RBPJ: variants seen among roughly 807,000 people sequenced by gnomAD.
The protein encoded by RBPJ is recombination signal binding protein for immunoglobulin kappa J region, also known as recombining binding protein suppressor of hairless.
In RBPJ, 9 loss-of-function variants were observed where a neutral mutation model predicts 67.8. The ratio of observed to expected loss-of-function variants is 0.13; its 90% CI spans 0.08 to 0.23. The LOEUF is 0.23. RBPJ is among the 10% of genes least tolerant of loss of function. The pLI, the probability that RBPJ is intolerant of heterozygous loss-of-function variation, is 1.00. For missense variants in RBPJ, 305 were observed against 595.6 expected (o/e 0.51, Z 5.08); for synonymous variants, 198 against 203.3 (o/e 0.97, Z 0.22).
At chr4:26,130,194 T>C in the RBPJ span, among the ~76,000 whole-genome samples, 27 of 152,208 alleles carry the variant, frequency 1.8e-4, no homozygotes, top group Non-Finnish European at 2.9e-4. Flanking sequence ...TCAAAGCAAA[T>C]CAAGAGGTGG....
the RBPJ span, among the ~76,000 whole-genome samples, chr4:26,117,358 C>G: frequency 3.2e-3 from 480 of 152,218 alleles, 1 homozygote; most frequent in African/African-American, 0.011. Context: ...CCTCCTGGGA[C>G]CCCAAGTTCT....
chr4:26,241,207 A>T (rs1273904695), intron 1 of RBPJ, among the ~76,000 whole-genome samples: 2 of 150,914 alleles, frequency 1.3e-5, no homozygotes, highest in African/African-American at 2.4e-5. Context: ...CAAAAATAAA[A>T]AAAAAAAAAA....
rs190422954 is a variant in RBPJ, at chr4:26,249,975, G to A, written c.-167+86361G>A. Among the ~76,000 whole-genome samples the A allele has an allele frequency of 6.2e-4, 93 of 150,924 alleles. 1 individual carries two copies. The highest frequency in any genetic ancestry group is 5.1e-3 in the Admixed American group (78 of 15,152). On this transcript the variant is annotated intron_variant, in intron 1 of 4. Coordinates refer to the RBPJ transcript ENST00000512351. The stretch of plus-strand genomic sequence containing the variant: ...TAATTTTTGTATTTTTAGTAGAGAC[G>A]GGGTTTCTCCATGTTGGTCAGCCTG...
intron 7 of RBPJ, among the ~76,000 whole-genome samples, chr4:26,426,702 C>T (rs1735708077): frequency 6.6e-6 from 1 of 152,076 alleles, no homozygotes; most frequent in African/African-American, 2.4e-5. Flanking sequence ...TTTGAAGTCG[C>T]AGTATTTGAA....
intron 1 of RBPJ, among the ~76,000 whole-genome samples, chr4:26,222,216 G>C (rs566603362): frequency 6.6e-6 from 1 of 152,166 alleles, no homozygotes. Flanking sequence ...ATTTCAGGCC[G>C]GGCACGGTGG....
chr4:26,122,976 A>T, the RBPJ span, among the ~76,000 whole-genome samples: 24 of 152,338 alleles, frequency 1.6e-4, no homozygotes, highest in African/African-American at 5.8e-4. Flanking sequence ...TCAAAATGGC[A>T]GCAACATAAA....
Position 26,167,343 on chromosome 4 carries a change from C to A in RBPJ, c.-167+3729C>A, listed in dbSNP as rs192907295. Among the ~76,000 whole-genome samples, 3 of 152,154 alleles carry A rather than the reference C, an allele frequency of 2.0e-5. No homozygotes were observed. The East Asian group carries it at 5.8e-4, about 29-fold the overall frequency. Reference sequence around the variant, plus strand: ...TTTCATGATATTGATTCTTCCTACCCATGAGCATGGAATGTTCTTCCATTT... The same window carrying A: ...TTTCATGATATTGATTCTTCCTACCAATGAGCATGGAATGTTCTTCCATTT... On this transcript the variant is annotated intron_variant, in intron 1 of 4. Transcript: ENST00000512351.
chr4:26,158,843 T>C (rs1716022612), upstream of RBPJ, among the ~76,000 whole-genome samples: 1 of 152,158 alleles, frequency 6.6e-6, no homozygotes, highest in Non-Finnish European at 1.5e-5. Flanking sequence ...CCTTGAAAGA[T>C]GAGGAACTAA....
chr4:26,165,947 G>A (rs1480815314), intron 1 of RBPJ, among the ~76,000 whole-genome samples: 25 of 146,230 alleles, frequency 1.7e-4, no homozygotes, highest in African/African-American at 5.2e-4. Context: ...ATTCCCATCT[G>A]TGAGTGAGAA....
At chr4:26,319,876 TG>T (rs547191229), upstream of RBPJ, 5 of 1,459,832 alleles carry the variant, frequency 3.4e-6, no homozygotes, top group Non-Finnish European at 1.9e-6. Context: ...AGGGGAAAGA[TG>T]GGGGGCTGCA....
At chr4:26,320,829 G>A (rs1211111977), upstream of RBPJ, 7 of 1,561,534 alleles carry the variant, frequency 4.5e-6, no homozygotes, top group South Asian at 2.4e-5. Flanking sequence ...GGTTTCCAGG[G>A]AAGGCAGCGA....
chr4:26,401,081 A>C (rs1177734734), intron 2 of RBPJ, among the ~76,000 whole-genome samples: 1 of 152,212 alleles, frequency 6.6e-6, no homozygotes, highest in East Asian at 1.9e-4. Flanking sequence ...TGAAGGTTGA[A>C]GTCTTCTTTC....
the RBPJ span, among the ~76,000 whole-genome samples, chr4:26,134,997 C>T: frequency 2.3e-4 from 35 of 152,224 alleles, no homozygotes; most frequent in African/African-American, 7.7e-4. Context: ...TTCTGCAGCT[C>T]GGGGGCTCAC....
chr4:26,404,507 T>C (rs1032488043), intron 2 of RBPJ, among the ~76,000 whole-genome samples: 2 of 152,238 alleles, frequency 1.3e-5, no homozygotes, highest in African/African-American at 2.4e-5. Flanking sequence ...GTCAACCTTA[T>C]TCACTGCCGT....
chr4:26,368,876 TGGG>T (rs1030462998), intron 1 of RBPJ, among the ~76,000 whole-genome samples: 12 of 152,166 alleles, frequency 7.9e-5, no homozygotes, highest in Non-Finnish European at 1.3e-4. Context: ...GCTTATAAAA[TGGG>T]GGGTGACTGG....
chr4:26,395,954 A>G (rs190621276), intron 2 of RBPJ, among the ~76,000 whole-genome samples: 11 of 152,276 alleles, frequency 7.2e-5, no homozygotes, highest in African/African-American at 2.6e-4. Flanking sequence ...CCTCTGGATT[A>G]TGGTTAAAGT....
At chr4:26,280,362 C>G (rs1721229421) in intron 1 of RBPJ, among the ~76,000 whole-genome samples, 1 of 143,648 alleles carries the variant, frequency 7.0e-6, no homozygotes, top group East Asian at 2.1e-4. Context: ...CAACATTGCA[C>G]TCCAGCCTGG....
At chr4:26,336,378 G>C (rs995779099) in intron 1 of RBPJ, among the ~76,000 whole-genome samples, 2 of 152,166 alleles carry the variant, frequency 1.3e-5, no homozygotes, top group Non-Finnish European at 2.9e-5. Context: ...CATCCCAGAG[G>C]CTGAGGTGGA....
intron 1 of RBPJ, among the ~76,000 whole-genome samples, chr4:26,208,202 AC>A (rs1718237743): frequency 6.6e-6 from 1 of 152,218 alleles, no homozygotes; most frequent in African/African-American, 2.4e-5. Context: ...AGTCCTTAAA[AC>A]ATCCCAATGA....
Sources: allele counts gnomAD v4.1 joint callset (sites outside exome capture counted in the v4.1 genomes callset), GRCh38; gene constraint gnomAD v4.1.1; transcripts MANE v1.5; gene names NCBI Gene and HGNC (gene_info 2026-07-23, HGNC 2026-07-21).